Variants in DOCK2 observed in about 807,000 individuals in gnomAD.
DOCK2 encodes the protein dedicator of cytokinesis 2.
DOCK2 carries 87 observed loss-of-function variants against 248.9 expected under a neutral mutation model. That is an observed-to-expected ratio of 0.35 (90% CI 0.29 to 0.42). DOCK2 has a LOEUF of 0.42. Ranked by LOEUF, DOCK2 falls within the 10% of genes least tolerant of loss-of-function variation. The pLI is 1.00. For synonymous variants in DOCK2, 805 were observed against 821.6 expected (o/e 0.98, Z 0.35); for missense variants, 1,747 against 2,300.2 (o/e 0.76, Z 4.92).
chr5:170,039,328 A>G (rs1489632577), intron 36 of DOCK2, among the ~76,000 whole-genome samples: 11 of 152,182 alleles, frequency 7.2e-5, no homozygotes, highest in Non-Finnish European at 1.6e-4. Context: ...CTCTCCTAGT[A>G]CCATAGACCA....
chr5:170,001,792 A>C (rs1322393406), intron 30 of DOCK2, among the ~76,000 whole-genome samples: 1 of 152,246 alleles, frequency 6.6e-6, no homozygotes, highest in Non-Finnish European at 1.5e-5. Flanking sequence ...GAGGAGACAG[A>C]AAATAAATTA....
intron 44 of DOCK2, among the ~76,000 whole-genome samples, chr5:170,064,277 A>G (rs773015779): frequency 2.0e-5 from 3 of 152,136 alleles, no homozygotes; most frequent in Non-Finnish European, 2.9e-5. Flanking sequence ...AGCAAGATAA[A>G]TCTCCAGAAA....
intron 25 of DOCK2, among the ~76,000 whole-genome samples, chr5:169,801,574 A>G (rs1050960911): frequency 9.2e-5 from 14 of 152,112 alleles, no homozygotes; most frequent in Non-Finnish European, 8.8e-5. Context: ...CTCAAGATTC[A>G]GATTTCAGGA....
chr5:169,929,741 C>CAAAA (rs1211612989), intron 27 of DOCK2, among the ~76,000 whole-genome samples: 26 of 62,892 alleles, frequency 4.1e-4, no homozygotes, highest in African/African-American at 1.1e-3. Context: ...GACCCTGTCT[C>CAAAA]AAAAAAAAAA....
intron 46 of DOCK2, among the ~76,000 whole-genome samples, chr5:170,071,455 T>C (rs1266478790): frequency 6.6e-6 from 1 of 152,256 alleles, no homozygotes; most frequent in Admixed American, 6.5e-5. Flanking sequence ...GCCTTCAAAG[T>C]ACATTTGGTG....
intron 23 of DOCK2, among the ~76,000 whole-genome samples, chr5:169,752,816 C>T (rs935994394): frequency 2.2e-4 from 33 of 152,082 alleles, no homozygotes; most frequent in African/African-American, 7.5e-4. Flanking sequence ...CCTGTAATCC[C>T]AGCACTTTGG....
chr5:169,907,483 A>G (rs1338642736), intron 27 of DOCK2, among the ~76,000 whole-genome samples: 1 of 152,206 alleles, frequency 6.6e-6, no homozygotes, highest in African/African-American at 2.4e-5. Flanking sequence ...GGAACATTTT[A>G]GAAAGTCAAA....
At chr5:170,058,036 A>G (rs547679851) in intron 44 of DOCK2, among the ~76,000 whole-genome samples, 1 of 152,332 alleles carries the variant, frequency 6.6e-6, no homozygotes, top group South Asian at 2.1e-4. Flanking sequence ...GCACCTGTGC[A>G]GTATCCCAAT....
intron 27 of DOCK2, among the ~76,000 whole-genome samples, chr5:169,953,617 G>T (rs1366354960): frequency 6.6e-6 from 1 of 152,160 alleles, no homozygotes; most frequent in African/African-American, 2.4e-5. Context: ...CTACAGAGGA[G>T]ACCTCTGTGG....
At chr5:170,041,189 C>T in intron 37 of DOCK2, 44 bp downstream of exon 37, 2 of 1,486,486 alleles carry the variant, frequency 1.3e-6, no homozygotes, top group Non-Finnish European at 1.9e-6. Flanking sequence ...GGGATCCTGA[C>T]AGGGCCTCAC....
At chr5:169,830,906 C>G (rs1371299597) in intron 26 of DOCK2, among the ~76,000 whole-genome samples, 2 of 152,138 alleles carry the variant, frequency 1.3e-5, no homozygotes, top group African/African-American at 4.8e-5. Context: ...AGAAGGAGAG[C>G]CATTCCCACA....
chr5:169,963,699 G>C (rs769307913), intron 27 of DOCK2, among the ~76,000 whole-genome samples: 3 of 151,944 alleles, frequency 2.0e-5, no homozygotes, highest in Non-Finnish European at 2.9e-5. Context: ...CCCTTTCTTT[G>C]CCTCAGTTTC....
chr5:169,933,091 A>G (rs1225348542), intron 27 of DOCK2, among the ~76,000 whole-genome samples: 1 of 152,240 alleles, frequency 6.6e-6, no homozygotes, highest in South Asian at 2.1e-4. Flanking sequence ...GTTAAGTAAG[A>G]GAGATGCCCT....
intron 14 of DOCK2, among the ~76,000 whole-genome samples, chr5:169,705,451 G>A (rs1369145179): frequency 5.9e-5 from 9 of 152,132 alleles, no homozygotes; most frequent in African/African-American, 2.2e-4. Context: ...ATGACCCCTG[G>A]GGCCAGACAG....
chr5:169,759,350 T>C lies in DOCK2; in HGVS notation c.2377-355T>C, dbSNP rs575836176. ...TCTTCGCAATCCTTCAGAATACATA[T>C]AACTTTGTCTATTTCACAGATAAGT... On this transcript the variant is annotated intron_variant, in intron 23 of 51. Coordinates refer to ENST00000520908, the MANE Select transcript of DOCK2 (RefSeq NM_004946.3). 4.6e-5 allele frequency among the ~76,000 whole-genome samples: 7 copies of C among 152,350 alleles called. No individual in the cohort carries two copies. The South Asian group carries it at 1.2e-3, about 27-fold the overall frequency.
rs751018731 is a variant in DOCK2, at chr5:169,761,640, C to T, written c.2554+15C>T. On this transcript the variant is annotated intron_variant, in intron 25 of 51. Coordinates refer to ENST00000520908, the MANE Select transcript of DOCK2 (RefSeq NM_004946.3). ...TAAAAAGCAAGGTGAGTACACAGCA[C>T]CCTTGCTGGGGTGGGGTAAGGGGCC... The T allele has an allele frequency of 6.2e-7, 1 of 1,607,892 alleles. No homozygotes were observed.
intron 15 of DOCK2, among the ~76,000 whole-genome samples, chr5:169,710,346 C>T (rs1360143593): frequency 6.6e-6 from 1 of 152,174 alleles, no homozygotes; most frequent in African/African-American, 2.4e-5. Context: ...AAATAGTCCT[C>T]TTGTGGGTGG....
At chr5:170,008,434 C>T (rs2113809994) in intron 30 of DOCK2, 63 bp from the exon 31 acceptor site, 6 of 1,534,282 alleles carry the variant, frequency 3.9e-6, no homozygotes, top group Non-Finnish European at 1.8e-6. Context: ...TCACACTACC[C>T]AGCGCTTATG....
chr5:169,670,468 A>G, intron 3 of DOCK2, 74 bp from the exon 4 acceptor site: 1 of 1,546,376 alleles, frequency 6.5e-7, no homozygotes, highest in South Asian at 1.2e-5. Context: ...AATTATAAAG[A>G]CGTAGGGTCA....
Sources: gnomAD v4.1 joint callset for allele counts (sites outside exome capture counted in the v4.1 genomes callset) on GRCh38, gnomAD v4.1.1 for gene constraint, MANE v1.5 for transcripts, NCBI Gene and HGNC (gene_info 2026-07-23, HGNC 2026-07-21) for gene names.